Variants in COL4A2 observed in about 807,000 individuals in gnomAD.
The protein encoded by COL4A2 is collagen type IV alpha 2 chain.
Under a neutral mutation model 200.2 loss-of-function variants are expected in COL4A2, and 99 were observed. That is an observed-to-expected ratio of 0.49 (90% CI 0.42 to 0.58). COL4A2 has a LOEUF of 0.58. Among genes scored for constraint, COL4A2 ranks in the 20% least tolerant of loss-of-function variants. The probability of loss-of-function intolerance (pLI) is 0.00; values close to 1 mark genes in which losing one functional copy is unlikely to be tolerated. For missense variants in COL4A2, 1,950 were observed against 2,314.1 expected, an observed-to-expected ratio of 0.84 and a Z score of 3.23; for synonymous variants, 897 against 900.6, an observed-to-expected ratio of 1.00 and a Z score of 0.07.
chr13:110,316,853 A>G (rs909267704), intron 3 of COL4A2, among the ~76,000 whole-genome samples: 5 of 152,208 alleles, frequency 3.3e-5, no homozygotes, highest in African/African-American at 1.2e-4. Flanking sequence ...GAATATATAT[A>G]CACGTCAAAA....
intron 4 of COL4A2, among the ~76,000 whole-genome samples, chr13:110,414,425 C>T (rs1171534807): frequency 6.6e-6 from 1 of 152,236 alleles, no homozygotes; most frequent in African/African-American, 2.4e-5. Flanking sequence ...TCTGAGACTC[C>T]CCGTTGTTGG....
Position 110,508,393 on chromosome 13 carries a change from TG to T in COL4A2, c.4881+173del. On this transcript the variant is annotated intron_variant, in intron 47 of 47. Coordinates refer to ENST00000360467, the MANE Select transcript of COL4A2 (RefSeq NM_001846.4). This position sits in a 1 kb window ranked among gnomAD's most constrained non-coding sequence, Gnocchi z 6.1. ...GGAACACAGCTTACACTTGGCTAAC[TG>T]AGCCACATGCTGGGCACAGGGCTTC... 1 of 1,047,098 alleles carries T rather than the reference TG, an allele frequency of 9.6e-7. No homozygotes were observed. Among genetic ancestry groups the T allele is most frequent in the Non-Finnish European group, 1.4e-6 (1 of 736,052 alleles). The allele number at this position is 1,047,098 out of a possible 1,614,324, so 64.9% of individuals were successfully genotyped here.
At chr13:110,369,117 A>G (rs1422300815) in intron 4 of COL4A2, among the ~76,000 whole-genome samples, 2 of 152,178 alleles carry the variant, frequency 1.3e-5, no homozygotes, top group East Asian at 3.9e-4. Flanking sequence ...AGGTTGAGGC[A>G]GGAGAATCAC....
Position 110,508,147 on chromosome 13 carries a change from C to A in COL4A2, c.4807C>A (p.His1603Asn), listed in dbSNP as rs779445980. Reference protein sequence around the residue: ...CEAPAIAIAVHSQDVSIPHCP... With the variant: ...CEAPAIAIAVNSQDVSIPHCP... ...GGCCCCGGCCATCGCCATCGCGGTC[C>A]ACAGTCAGGATGTCTCCATCCCACA... Residue 1603 changes from histidine to asparagine, a missense_variant, in exon 47 of 48, where the codon CAC becomes AAC. By Grantham distance (68) the His-to-Asn change is moderately conservative. Transcript: ENST00000360467. The surrounding 1 kb of genome is among the most constrained non-coding windows in gnomAD (Gnocchi z 6.1). 5 of 1,614,150 alleles carry A rather than the reference C, an allele frequency of 3.1e-6. No homozygotes were observed. The highest frequency in any genetic ancestry group is 4.2e-6 in the Non-Finnish European group (5 of 1,180,048).
intron 15 of COL4A2, among the ~76,000 whole-genome samples, chr13:110,439,503 A>G (rs1881041191): frequency 6.6e-6 from 1 of 152,136 alleles, no homozygotes; most frequent in African/African-American, 2.4e-5. Context: ...TTCCACAGGG[A>G]AGCAGCTTTG....
chr13:110,417,674 T>C (rs546183109), intron 4 of COL4A2, among the ~76,000 whole-genome samples: 2 of 152,320 alleles, frequency 1.3e-5, no homozygotes, highest in East Asian at 3.9e-4. Context: ...GTCTTTAGTT[T>C]CGCCTTTTCT....
In COL4A2 at chr13:110,434,338, A is replaced by G. The variant is rs934852840; in HGVS notation, c.685-63A>G. ...CCTTGGGTTTCTTTTTCTAAGAAAA[A>G]TAATTTTATTTCTCTCTGATTATTG... is the stretch of plus-strand genomic sequence containing the variant. On this transcript the variant is annotated intron_variant, in intron 11 of 47. Coordinates refer to ENST00000360467, the MANE Select transcript of COL4A2 (RefSeq NM_001846.4). 5 of 1,517,080 alleles carry G rather than the reference A, an allele frequency of 3.3e-6. No individual in the cohort carries two copies. The African/African-American group carries it at 5.6e-5, about 17-fold the overall frequency. 94.0% of individuals were successfully genotyped at this position (1,517,080 alleles called of 1,614,324 possible).
chr13:110,458,428 C>G, intron 21 of COL4A2: 1 of 330,058 alleles, frequency 3.0e-6, no homozygotes, highest in South Asian at 2.4e-5. Flanking sequence ...CCCGCAGGCC[C>G]AGTGGTGGCA....
rs1884111678 is a variant in COL4A2 at position 110,512,256 on chromosome 13, C to A, written c.*65C>A. 6.7e-7 allele frequency: 1 copy of A among 1,498,034 alleles called. No homozygotes were observed. The highest frequency in any genetic ancestry group is 8.9e-7 in the Non-Finnish European group (1 of 1,129,332). The allele number at this position is 1,498,034 out of a possible 1,614,324, so 92.8% of individuals were successfully genotyped here. A position where few individuals can be genotyped will look rare whatever the true frequency, so the allele number is the denominator to read the frequency against. On this transcript the variant is annotated 3_prime_UTR_variant, in exon 48 of 48. Coordinates refer to ENST00000360467, the MANE Select transcript of COL4A2 (RefSeq NM_001846.4). ...TTAACTTATTACCTCAGGTGCCAAC[C>A]CAAAAATTGGTTTTATTTTTTTCTT...
intron 34 of COL4A2, among the ~76,000 whole-genome samples, chr13:110,486,714 G>A (rs1883128645): frequency 6.6e-6 from 1 of 152,084 alleles, no homozygotes; most frequent in Non-Finnish European, 1.5e-5. Flanking sequence ...AGGGAGATAG[G>A]GGTGGGGCCG....
At chr13:110,499,027 C>G (rs1345713013) in intron 40 of COL4A2, among the ~76,000 whole-genome samples, 1 of 152,234 alleles carries the variant, frequency 6.6e-6, no homozygotes, top group Non-Finnish European at 1.5e-5. Context: ...GCCATTGGGC[C>G]TTGGCATATG....
At chr13:110,436,423 T>TA in intron 13 of COL4A2, 56 bp downstream of exon 13, 7 of 1,576,810 alleles carry the variant, frequency 4.4e-6, no homozygotes, top group Non-Finnish European at 6.1e-6. Flanking sequence ...AGAGTAAAAG[T>TA]ACATTTCTTC....
rs113050731 is a variant in COL4A2 at position 110,372,325 on chromosome 13, T to C, written c.180+14773T>C. 4.6e-4 allele frequency among the ~76,000 whole-genome samples: 70 copies of C among 152,324 alleles called. 2 individuals are homozygous for C. Among genetic ancestry groups the C allele is most frequent in the African/African-American group, 1.5e-3 (64 of 41,556 alleles). On this transcript the variant is annotated intron_variant, in intron 4 of 47. Coordinates refer to ENST00000360467, the MANE Select transcript of COL4A2 (RefSeq NM_001846.4). ...TTAAGAAAATAATAATGTTTCCGTC[T>C]CTGAACACCAAGTCAGGTGACCCGT... is the stretch of plus-strand genomic sequence containing the variant.
chr13:110,418,046 G>A (rs897142064), intron 4 of COL4A2, among the ~76,000 whole-genome samples: 2 of 152,080 alleles, frequency 1.3e-5, no homozygotes, highest in African/African-American at 4.8e-5. Context: ...CCAGCTCTTG[G>A]CGTGGCCACC....
intron 21 of COL4A2, among the ~76,000 whole-genome samples, chr13:110,457,893 G>A (rs1881838423): frequency 6.6e-6 from 1 of 152,118 alleles, no homozygotes; most frequent in South Asian, 2.1e-4. Flanking sequence ...TGGTTTGCCC[G>A]GGTCTCCCTT....
At chr13:110,386,735 CT>C (rs1443076816) in intron 4 of COL4A2, among the ~76,000 whole-genome samples, 1 of 152,066 alleles carries the variant, frequency 6.6e-6, no homozygotes, top group Non-Finnish European at 1.5e-5. Flanking sequence ...GTAGAGAGTA[CT>C]CAGATAAAAA....
chr13:110,464,157 G>A (rs1379567119), intron 24 of COL4A2, among the ~76,000 whole-genome samples: 1 of 152,184 alleles, frequency 6.6e-6, no homozygotes, highest in African/African-American at 2.4e-5. Context: ...GCCTTGTGAA[G>A]TTGGTGACCA....
At position 110,465,492 on chromosome 13, in the gene COL4A2, G is replaced by T; in HGVS notation, c.1864G>T (p.Gly622Ter). 1.2e-6 allele frequency: 2 copies of T among 1,614,054 alleles called. No homozygotes were observed. The highest frequency in any genetic ancestry group is 1.7e-6 in the Non-Finnish European group (2 of 1,180,010). ...KGTPGEMGPP[G>*]LGLPGLKGQR... is the part of the protein sequence containing the mutation. ...TACTCCAGGAGAAATGGGCCCCCCA[G>T]GACTGGGCCTTCCCGGCCTCAAAGG... Residue 622 changes from glycine to a stop codon, truncating the protein, a stop_gained, in exon 25 of 48, where the codon GGA becomes TGA. Coordinates refer to ENST00000360467, the MANE Select transcript of COL4A2 (RefSeq NM_001846.4). LOFTEE classifies it high-confidence loss of function.
rs774278201 is a variant in COL4A2, at chr13:110,307,948, G to A, written c.44+1G>A. The A allele has an allele frequency of 6.2e-7, 1 of 1,612,894 alleles. No homozygotes were observed. Among genetic ancestry groups the A allele is most frequent in the South Asian group, 1.1e-5 (1 of 90,968 alleles). On this transcript the variant is annotated splice_donor_variant, in intron 2 of 47. Coordinates refer to ENST00000360467, the MANE Select transcript of COL4A2 (RefSeq NM_001846.4). LOFTEE classifies it high-confidence loss of function. The surrounding 1 kb of genome is among the most constrained non-coding windows in gnomAD (Gnocchi z 5.0). ...CGGTGGCCGGCCCTGCCCTACGGCG[G>A]TAAGCGACTTTCTGCCTGGTCCCCG...
Sources: allele counts gnomAD v4.1 joint callset (sites outside exome capture counted in the v4.1 genomes callset), GRCh38; gene constraint gnomAD v4.1.1; non-coding constraint Gnocchi (gnomAD v3.1); transcripts MANE v1.5; gene names NCBI Gene and HGNC (gene_info 2026-07-23, HGNC 2026-07-21).